The following ASPRV1 variants were observed in gnomAD, a reference collection of about 807,000 sequenced individuals.
ASPRV1 encodes the protein aspartic peptidase retroviral like 1.
A neutral mutation model predicts 11.0 loss-of-function variants in ASPRV1; 7 were observed. The ratio of observed to expected loss-of-function variants is 0.64; its 90% CI spans 0.36 to 1.20. The LOEUF (loss-of-function observed/expected upper bound fraction) is 1.20. ASPRV1 is among the 50% of genes most tolerant of loss of function. The pLI, the probability that ASPRV1 is intolerant of heterozygous loss-of-function variation, is 0.02. For missense variants in ASPRV1, 299 were observed against 320.0 expected (o/e 0.93, Z 0.50); for synonymous variants, 136 against 138.4 (o/e 0.98, Z 0.12).
the ASPRV1 span, among the ~76,000 whole-genome samples, chr2:70,012,644 A>G: frequency 6.6e-6 from 1 of 152,170 alleles, no homozygotes; most frequent in Non-Finnish European, 1.5e-5. Context: ...CAGAAAGGCA[A>G]ACTTAATGTA....
chr2:70,038,275 A>G, the ASPRV1 span, among the ~76,000 whole-genome samples: 4 of 152,314 alleles, frequency 2.6e-5, no homozygotes, highest in African/African-American at 7.2e-5. Flanking sequence ...GGCTGGGCAG[A>G]GTGGCTCATG....
chr2:69,958,752 G>A (rs1677996437), downstream of ASPRV1, among the ~76,000 whole-genome samples: 1 of 152,120 alleles, frequency 6.6e-6, no homozygotes, highest in Non-Finnish European at 1.5e-5. Flanking sequence ...AATCAAATTT[G>A]AGAAGGGGGA....
At chr2:69,976,964 G>T in the ASPRV1 span, among the ~76,000 whole-genome samples, 1 of 152,124 alleles carries the variant, frequency 6.6e-6, no homozygotes, top group South Asian at 2.1e-4. Context: ...AGCCGCGGCA[G>T]GTGGATCGCC....
the ASPRV1 span, among the ~76,000 whole-genome samples, chr2:69,945,162 C>T: frequency 2.0e-5 from 3 of 152,052 alleles, no homozygotes; most frequent in African/African-American, 7.2e-5. Context: ...GGATGGGCGC[C>T]CAGGAGGTCG....
At chr2:69,970,614 T>G in the ASPRV1 span, 1 of 152,172 alleles carries the variant, frequency 6.6e-6, no homozygotes, top group African/African-American at 2.4e-5. Flanking sequence ...AGGGTCTCCC[T>G]CCTCTAAGGT....
At chr2:70,064,926 C>G in the ASPRV1 span, among the ~76,000 whole-genome samples, 2 of 150,634 alleles carry the variant, frequency 1.3e-5, no homozygotes, top group Non-Finnish European at 3.0e-5. Context: ...AAACCTTGTT[C>G]CTACTAAAAA....
At chr2:69,932,900 T>C in the ASPRV1 span, among the ~76,000 whole-genome samples, 1 of 152,082 alleles carries the variant, frequency 6.6e-6, no homozygotes, top group Non-Finnish European at 1.5e-5. Context: ...TAATTTTAAT[T>C]TTTGAACTTT....
chr2:70,000,386 T>C, the ASPRV1 span: 2 of 144,794 alleles, frequency 1.4e-5, no homozygotes, highest in African/African-American at 2.6e-5. Flanking sequence ...AAGGAGTTAA[T>C]AGCCTGAATA....
the ASPRV1 span, among the ~76,000 whole-genome samples, chr2:70,068,869 C>CA: frequency 6.8e-6 from 1 of 146,654 alleles, no homozygotes; most frequent in Non-Finnish European, 1.5e-5. Context: ...CACTTGAACC[C>CA]AGGAGGCGGA....
At chr2:70,075,843 C>T in the ASPRV1 span, among the ~76,000 whole-genome samples, 1 of 151,830 alleles carries the variant, frequency 6.6e-6, no homozygotes, top group Non-Finnish European at 1.5e-5. Context: ...GAGCAAAACT[C>T]CGTCTCAAAG....
At chr2:70,020,212 C>T in the ASPRV1 span, among the ~76,000 whole-genome samples, 1 of 152,004 alleles carries the variant, frequency 6.6e-6, no homozygotes, top group Non-Finnish European at 1.5e-5. Flanking sequence ...AATATAATTA[C>T]CATATGATCT....
the ASPRV1 span, chr2:69,940,255 G>T: frequency 2.6e-5 from 4 of 151,748 alleles, no homozygotes; most frequent in Non-Finnish European, 2.9e-5. Context: ...CTGCTTCCTG[G>T]ATTTAAGCAG....
the ASPRV1 span, among the ~76,000 whole-genome samples, chr2:69,972,836 G>A: frequency 3.3e-5 from 5 of 151,834 alleles, no homozygotes; most frequent in Non-Finnish European, 5.9e-5. Flanking sequence ...GAGAAATGGC[G>A]AGCTCTCACT....
chr2:70,087,129 G>C, the ASPRV1 span: 9 of 152,112 alleles, frequency 5.9e-5, no homozygotes, highest in African/African-American at 2.2e-4. Context: ...GTTTCCGCCG[G>C]GGCTGCCCAT....
At chr2:69,999,655 C>CAAAA in the ASPRV1 span, among the ~76,000 whole-genome samples, 9 of 53,906 alleles carry the variant, frequency 1.7e-4, no homozygotes, top group Non-Finnish European at 3.4e-4. Flanking sequence ...GACTCTGTCT[C>CAAAA]AAAAAAAAAA....
chr2:70,009,074 T>C, the ASPRV1 span, among the ~76,000 whole-genome samples: 1 of 151,992 alleles, frequency 6.6e-6, no homozygotes, highest in East Asian at 1.9e-4. Flanking sequence ...AAGAGAAAAT[T>C]CAGGAGAGAA....
the ASPRV1 span, among the ~76,000 whole-genome samples, chr2:70,009,965 G>A: frequency 1.3e-5 from 2 of 152,182 alleles, no homozygotes; most frequent in African/African-American, 2.4e-5. Context: ...AGGAGTGTCC[G>A]TGACTCCCAG....
the ASPRV1 span, among the ~76,000 whole-genome samples, chr2:69,935,115 C>T: frequency 6.6e-6 from 1 of 152,180 alleles, no homozygotes; most frequent in Non-Finnish European, 1.5e-5. Context: ...ATATTATTCC[C>T]TACCCCAGCA....
At chr2:69,977,557 G>A in the ASPRV1 span, among the ~76,000 whole-genome samples, 1 of 152,176 alleles carries the variant, frequency 6.6e-6, no homozygotes, top group Non-Finnish European at 1.5e-5. Flanking sequence ...GAACTATCGT[G>A]TCTCCATCTG....
Sources: allele counts gnomAD v4.1 joint callset (sites outside exome capture counted in the v4.1 genomes callset), GRCh38; gene constraint gnomAD v4.1.1; transcripts MANE v1.5; gene names NCBI Gene and HGNC (gene_info 2026-07-23, HGNC 2026-07-21).